Variants in HS3ST5 observed in about 807,000 individuals in gnomAD.
The protein encoded by HS3ST5 is heparan sulfate-glucosamine 3-sulfotransferase 5.
Under a neutral mutation model 25.4 loss-of-function variants are expected in HS3ST5, and 10 were observed. The observed-to-expected ratio is 0.39, with a 90% confidence interval of 0.24 to 0.67. The LOEUF (loss-of-function observed/expected upper bound fraction) is 0.67, where lower values mean the gene tolerates loss of function less well. HS3ST5 is among the 30% of genes least tolerant of loss of function. The pLI is 0.44. For missense variants in HS3ST5, 324 were observed against 420.7 expected (o/e 0.77, Z 2.01); for synonymous variants, 170 against 162.4 (o/e 1.05, Z -0.36).
chr6:114,266,999 A>G (rs1027186164), intron 1 of HS3ST5, among the ~76,000 whole-genome samples: 8 of 152,124 alleles, frequency 5.3e-5, no homozygotes, highest in African/African-American at 1.9e-4. Context: ...GCATCTTATT[A>G]TTGTCTTGCC....
chr6:114,342,135 C>G (rs1390811714), intron 1 of HS3ST5, 60 bp downstream of exon 1: 1 of 152,332 alleles, frequency 6.6e-6, no homozygotes, highest in African/African-American at 2.4e-5. Context: ...TCATTTCCCC[C>G]CAAATCTAGA....
At chr6:114,171,094 A>G (rs1582677620) in intron 2 of HS3ST5, among the ~76,000 whole-genome samples, 1 of 152,172 alleles carries the variant, frequency 6.6e-6, no homozygotes, top group African/African-American at 2.4e-5. Flanking sequence ...CTTTGCACAT[A>G]GGATATATAC....
At chr6:114,111,943 C>T (rs551978878) in intron 3 of HS3ST5, among the ~76,000 whole-genome samples, 7 of 152,116 alleles carry the variant, frequency 4.6e-5, no homozygotes, top group African/African-American at 1.7e-4. Flanking sequence ...TCCTTGAGAC[C>T]CATCACTCCT....
chr6:114,173,326 T>G (rs1423545011), intron 2 of HS3ST5, among the ~76,000 whole-genome samples: 1 of 152,186 alleles, frequency 6.6e-6, no homozygotes. Context: ...TTATGTCAAC[T>G]TATAGTTGAA....
chr6:114,146,553 A>G (rs1778170904), intron 3 of HS3ST5, among the ~76,000 whole-genome samples: 1 of 152,232 alleles, frequency 6.6e-6, no homozygotes, highest in African/African-American at 2.4e-5. Context: ...GGGTCTAAGC[A>G]GAGGGCATCA....
At chr6:114,329,427 T>C (rs757867051) in intron 1 of HS3ST5, among the ~76,000 whole-genome samples, 10 of 152,184 alleles carry the variant, frequency 6.6e-5, no homozygotes, top group Admixed American at 1.3e-4. Flanking sequence ...ACAAGCATAA[T>C]GCAGTCTGCT....
chr6:114,079,067 G>A (rs148830196), intron 3 of HS3ST5, among the ~76,000 whole-genome samples: 21 of 152,272 alleles, frequency 1.4e-4, no homozygotes, highest in Non-Finnish European at 2.1e-4. Context: ...CTGGGCCTTC[G>A]GTGAGTTGTA....
intron 3 of HS3ST5, among the ~76,000 whole-genome samples, chr6:114,152,768 C>T (rs913787644): frequency 1.3e-5 from 2 of 152,166 alleles, no homozygotes; most frequent in Admixed American, 6.5e-5. Context: ...TGGCCTGCCC[C>T]TTGAGCAGTC....
chr6:114,275,443 T>C (rs1051156903), intron 1 of HS3ST5, among the ~76,000 whole-genome samples: 2 of 151,204 alleles, frequency 1.3e-5, no homozygotes, highest in African/African-American at 4.9e-5. Context: ...TTACAATACA[T>C]ACAGAAACTG....
chr6:114,271,704 C>T (rs1427552705), intron 1 of HS3ST5, among the ~76,000 whole-genome samples: 1 of 152,046 alleles, frequency 6.6e-6, no homozygotes, highest in African/African-American at 2.4e-5. Flanking sequence ...TTCAATATGA[C>T]ATCCCAATTA....
chr6:114,147,403 T>C (rs983421997), intron 3 of HS3ST5, among the ~76,000 whole-genome samples: 1 of 152,168 alleles, frequency 6.6e-6, no homozygotes, highest in Non-Finnish European at 1.5e-5. Flanking sequence ...GCCCTTCATT[T>C]CTGCTCCTCC....
intron 2 of HS3ST5, among the ~76,000 whole-genome samples, chr6:114,208,261 A>G (rs1781364506): frequency 6.6e-6 from 1 of 152,168 alleles, no homozygotes; most frequent in Non-Finnish European, 1.5e-5. Flanking sequence ...TTCTCAATAA[A>G]TTCTGATAAT....
intron 3 of HS3ST5, among the ~76,000 whole-genome samples, chr6:114,099,074 T>C (rs1258417970): frequency 2.0e-5 from 3 of 152,142 alleles, no homozygotes; most frequent in Non-Finnish European, 4.4e-5. Context: ...GAACTCCTGA[T>C]AGATAGGCAA....
intron 1 of HS3ST5, among the ~76,000 whole-genome samples, chr6:114,277,315 G>A: frequency 6.6e-6 from 1 of 150,802 alleles, no homozygotes; most frequent in Admixed American, 6.6e-5. Flanking sequence ...TGCCCATGGT[G>A]GATAAGTAAT....
intron 3 of HS3ST5, among the ~76,000 whole-genome samples, chr6:114,125,463 A>G (rs1007935386): frequency 5.9e-5 from 9 of 152,242 alleles, no homozygotes; most frequent in Admixed American, 2.6e-4. Context: ...ATTCTAGTAA[A>G]CTAGTTTTCT....
chr6:114,194,505 G>C (rs1780650121), intron 2 of HS3ST5, among the ~76,000 whole-genome samples: 1 of 152,110 alleles, frequency 6.6e-6, no homozygotes, highest in Non-Finnish European at 1.5e-5. Context: ...AGACTCCACT[G>C]CTATTTCAAC....
At chr6:114,231,031 A>C (rs1044684975) in intron 1 of HS3ST5, among the ~76,000 whole-genome samples, 1 of 152,008 alleles carries the variant, frequency 6.6e-6, no homozygotes, top group African/African-American at 2.4e-5. Context: ...GTAATCCCCA[A>C]TGTTGGAGGT....
intron 1 of HS3ST5, among the ~76,000 whole-genome samples, chr6:114,253,166 G>T (rs1772741756): frequency 1.3e-5 from 2 of 152,180 alleles, no homozygotes; most frequent in East Asian, 3.8e-4. Context: ...GTGTACCTTA[G>T]CTTAGGCAAG....
chr6:114,135,967 C>A (rs193266413), intron 3 of HS3ST5, among the ~76,000 whole-genome samples: 1 of 152,292 alleles, frequency 6.6e-6, no homozygotes, highest in African/African-American at 2.4e-5. Flanking sequence ...TGTTAGAATC[C>A]CATACCAGGA....
Sources: gnomAD v4.1 joint callset for allele counts (sites outside exome capture counted in the v4.1 genomes callset) on GRCh38, gnomAD v4.1.1 for gene constraint, MANE v1.5 for transcripts, NCBI Gene and HGNC (gene_info 2026-07-23, HGNC 2026-07-21) for gene names.